MICU3: variants seen among roughly 807,000 people sequenced by gnomAD.
The protein encoded by MICU3 is calcium uptake protein 3, mitochondrial.
In MICU3, 62 loss-of-function variants were observed where a neutral mutation model predicts 66.5. The ratio of observed to expected loss-of-function variants is 0.93; its 90% CI spans 0.76 to 1.15. The LOEUF (loss-of-function observed/expected upper bound fraction) is 1.15. MICU3 is among the 50% of genes most tolerant of loss of function. The pLI is 0.00. For synonymous variants in MICU3, 308 were observed against 240.7 expected, an observed-to-expected ratio of 1.28 and a Z score of -2.59; for missense variants, 779 against 664.4, an observed-to-expected ratio of 1.17 and a Z score of -1.90.
chr8:17,085,951 T>C (rs1470862285), intron 6 of MICU3, among the ~76,000 whole-genome samples: 1 of 152,144 alleles, frequency 6.6e-6, no homozygotes, highest in African/African-American at 2.4e-5. Flanking sequence ...TGCATCTCTT[T>C]TTGTGACAAA....
chr8:17,132,669 A>G, the MICU3 span: 25 of 152,338 alleles, frequency 1.6e-4, 1 homozygote, highest in East Asian at 4.8e-3. Flanking sequence ...TCTCCAATTC[A>G]GTGGAACCAT....
chr8:17,076,216 T>C (rs1052491498), intron 3 of MICU3, among the ~76,000 whole-genome samples: 4 of 152,040 alleles, frequency 2.6e-5, no homozygotes, highest in Non-Finnish European at 4.4e-5. Flanking sequence ...TTTGTTTGTT[T>C]GTGAAATGGG....
chr8:17,097,385 G>A (rs1800823978), intron 8 of MICU3, among the ~76,000 whole-genome samples: 2 of 151,458 alleles, frequency 1.3e-5, no homozygotes, highest in Admixed American at 1.3e-4. Flanking sequence ...TTATAGTTAT[G>A]GTAATATTTA....
At chr8:17,027,772 A>T in intron 1 of MICU3, 112 bp downstream of exon 1, 1 of 1,210,658 alleles carries the variant, frequency 8.3e-7, no homozygotes. Context: ...GCGGGTGAGG[A>T]ACTTCCCGTG....
intron 1 of MICU3, among the ~76,000 whole-genome samples, chr8:17,059,924 C>G (rs1670211038): frequency 1.3e-5 from 2 of 152,138 alleles, no homozygotes; most frequent in Admixed American, 6.5e-5. Context: ...AATTTAATGT[C>G]ATCTCAAACA....
chr8:17,123,405 G>T (rs913355685), downstream of MICU3, among the ~76,000 whole-genome samples: 2 of 152,072 alleles, frequency 1.3e-5, no homozygotes, highest in African/African-American at 4.8e-5. Flanking sequence ...AAAGATAAGA[G>T]AATGGAGAGG....
At chr8:17,081,836 A>G (rs773295409) in intron 5 of MICU3, 96 bp downstream of exon 5, 46 of 628,140 alleles carry the variant, frequency 7.3e-5, no homozygotes, top group South Asian at 6.6e-4. Context: ...TTGAAAATCA[A>G]TATCCATGCT....
At chr8:17,040,263 C>G (rs1813841917) in intron 1 of MICU3, among the ~76,000 whole-genome samples, 1 of 152,148 alleles carries the variant, frequency 6.6e-6, no homozygotes, top group South Asian at 2.1e-4. Flanking sequence ...AAGATTTATT[C>G]ATTACCCACG....
intron 1 of MICU3, among the ~76,000 whole-genome samples, chr8:17,054,813 A>C (rs1178207547): frequency 7.1e-6 from 1 of 140,340 alleles, no homozygotes; most frequent in African/African-American, 2.7e-5. Flanking sequence ...ATGTCAGCTC[A>C]CTGCAACCTC....
intron 2 of MICU3, among the ~76,000 whole-genome samples, chr8:17,067,096 G>A (rs1035987800): frequency 6.6e-6 from 1 of 152,034 alleles, no homozygotes; most frequent in Non-Finnish European, 1.5e-5. Context: ...ACATAATTAG[G>A]AACAATCACA....
intron 11 of MICU3, among the ~76,000 whole-genome samples, chr8:17,112,654 A>C (rs1216518422): frequency 6.6e-6 from 1 of 152,240 alleles, no homozygotes; most frequent in Non-Finnish European, 1.5e-5. Flanking sequence ...TCAGATGTTG[A>C]ACATTATAGT....
chr8:17,031,928 ATTGT>A (rs1289371798), intron 1 of MICU3, among the ~76,000 whole-genome samples: 11 of 152,080 alleles, frequency 7.2e-5, no homozygotes, highest in African/African-American at 2.7e-4. Flanking sequence ...TTATTTGATC[ATTGT>A]TTGTCTTCTT....
intron 1 of MICU3, among the ~76,000 whole-genome samples, chr8:17,039,317 C>G (rs928554033): frequency 6.6e-6 from 1 of 151,940 alleles, no homozygotes; most frequent in Non-Finnish European, 1.5e-5. Context: ...TCAGTGTATC[C>G]GAAGTATGCC....
chr8:17,104,436 G>C lies in MICU3; in HGVS notation c.1030G>C (p.Val344Leu). 3 of 1,464,768 alleles carry C rather than the reference G, an allele frequency of 2.0e-6. No homozygotes were observed. The highest frequency in any genetic ancestry group is 2.8e-6 in the Non-Finnish European group (3 of 1,087,336). 90.7% of individuals were successfully genotyped at this position (1,464,768 alleles called of 1,614,324 possible). Reference protein sequence around the residue: ...TSLVTDTTLLVHFFGKKGKAE... With the variant: ...TSLVTDTTLLLHFFGKKGKAE... ...TTTAGTAACAGATACTACACTTCTT[G>C]TACACTTTTTTGGAAAGAAAGGAAA... Residue 344 changes from valine to leucine, a missense_variant, in exon 10 of 15, where the codon GTA becomes CTA. Physicochemically the swap from Val to Leu is conservative, Grantham distance 32. Transcript: ENST00000318063.
intron 1 of MICU3, among the ~76,000 whole-genome samples, chr8:17,033,829 A>G (rs1217442055): frequency 6.6e-6 from 1 of 152,192 alleles, no homozygotes; most frequent in Admixed American, 6.5e-5. Context: ...GATTTAAGGA[A>G]AGAAGCCTTC....
In MICU3 at chr8:17,090,587, A is replaced by G; in HGVS notation, c.888+3A>G. 2 of 1,605,088 alleles carry G rather than the reference A, an allele frequency of 1.2e-6. No individual in the cohort carries two copies. The highest frequency in any genetic ancestry group is 1.1e-5 in the South Asian group (1 of 90,110). ...GATACCATTCTCCTACTAATAGTGT[A>G]TGTACAATACTTTAAATGTTCTTTA... is the stretch of plus-strand genomic sequence containing the variant. On this transcript the variant is annotated splice_donor_region_variant and intron_variant, in intron 8 of 14. Coordinates refer to ENST00000318063, the MANE Select transcript of MICU3 (RefSeq NM_181723.3).
At chr8:17,036,300 C>A (rs149999780) in intron 1 of MICU3, among the ~76,000 whole-genome samples, 5,822 of 152,196 alleles carry the variant, frequency 0.038, 163 homozygotes, top group Middle Eastern at 0.12. Flanking sequence ...GTGAGTGTTA[C>A]AGCTCATAAA....
In MICU3 at chr8:17,098,489, C is replaced by T; in HGVS notation, c.920C>T (p.Ser307Phe). The change falls in exon 9 of 15, where the codon TCC (serine) becomes TTC (phenylalanine). Residue 307 changes from serine (S) to phenylalanine (F), a missense_variant. Ser to Phe is a radical substitution (Grantham distance 155, BLOSUM62 -2). Coordinates refer to ENST00000318063, the MANE Select transcript of MICU3 (RefSeq NM_181723.3). ...AAAACAGATGCTGAGGAACTTGTCTCCAGAAGCTATTGGGATACACTGAGA... is the reference window on the plus strand; with the variant it reads ...AAAACAGATGCTGAGGAACTTGTCTTCAGAAGCTATTGGGATACACTGAGA... ...VLKTDAEELV[S>F]RSYWDTLRRN... 1 of 1,611,538 alleles carries T rather than the reference C, an allele frequency of 6.2e-7. No individual in the cohort carries two copies. Among genetic ancestry groups the T allele is most frequent in the Non-Finnish European group, 8.5e-7 (1 of 1,178,130 alleles).
intron 2 of MICU3, among the ~76,000 whole-genome samples, chr8:17,069,287 A>G (rs540244215): frequency 6.6e-6 from 1 of 152,264 alleles, no homozygotes; most frequent in South Asian, 2.1e-4. Flanking sequence ...ATCACAAGTA[A>G]TACCTTAAAA....
Sources: allele counts gnomAD v4.1 joint callset (sites outside exome capture counted in the v4.1 genomes callset), GRCh38; gene constraint gnomAD v4.1.1; transcripts MANE v1.5; gene names NCBI Gene and HGNC (gene_info 2026-07-23, HGNC 2026-07-21).